SMYD3: variants seen among roughly 807,000 people sequenced by gnomAD.
SMYD3 encodes histone-lysine N-methyltransferase SMYD3.
A neutral mutation model predicts 57.7 loss-of-function variants in SMYD3; 36 were observed. The observed-to-expected ratio is 0.62, with a 90% CI of 0.48 to 0.82. The LOEUF (loss-of-function observed/expected upper bound fraction) is 0.82, where lower values mean the gene tolerates loss of function less well. SMYD3 is among the 40% of genes least tolerant of loss of function. The probability of loss-of-function intolerance (pLI) is 0.00; values close to 1 mark genes in which losing one functional copy is unlikely to be tolerated. For missense variants in SMYD3, 515 were observed against 538.8 expected, an observed-to-expected ratio of 0.96 and a Z score of 0.44; for synonymous variants, 211 against 195.0, an observed-to-expected ratio of 1.08 and a Z score of -0.68.
intron 1 of SMYD3, among the ~76,000 whole-genome samples, chr1:246,364,922 T>A (rs975600249): frequency 2.0e-5 from 3 of 151,944 alleles, no homozygotes; most frequent in African/African-American, 7.3e-5. Flanking sequence ...CAAAAGGACA[T>A]GCAATGGTGG....
intron 1 of SMYD3, among the ~76,000 whole-genome samples, chr1:246,382,201 G>C (rs1160508819): frequency 2.6e-5 from 4 of 151,826 alleles, no homozygotes; most frequent in Non-Finnish European, 5.9e-5. Flanking sequence ...ATGGGATCCA[G>C]CCTCCAGGCC....
chr1:245,823,536 G>A (rs2049302076), intron 10 of SMYD3, among the ~76,000 whole-genome samples: 2 of 152,212 alleles, frequency 1.3e-5, no homozygotes, highest in South Asian at 2.1e-4. Flanking sequence ...TCCCATTCAT[G>A]TCAACAGTCT....
chr1:246,211,982 T>C (rs770267361), intron 5 of SMYD3, among the ~76,000 whole-genome samples: 5 of 151,766 alleles, frequency 3.3e-5, no homozygotes, highest in Non-Finnish European at 7.4e-5. Flanking sequence ...ACTCAAGTAT[T>C]TAGTAACAAC....
intron 5 of SMYD3, among the ~76,000 whole-genome samples, chr1:246,236,445 C>T (rs547526603): frequency 1.3e-5 from 2 of 152,150 alleles, no homozygotes; most frequent in South Asian, 4.2e-4. Context: ...GATGGAGTCT[C>T]ACTCTGTCGC....
intron 8 of SMYD3, among the ~76,000 whole-genome samples, chr1:245,877,625 A>C (rs2052557860): frequency 6.6e-6 from 1 of 152,240 alleles, no homozygotes; most frequent in African/African-American, 2.4e-5. Context: ...GAGTGTAACA[A>C]GATGATAACC....
chr1:246,494,103 C>T (rs909890205), intron 1 of SMYD3, among the ~76,000 whole-genome samples: 7 of 152,208 alleles, frequency 4.6e-5, no homozygotes, highest in African/African-American at 1.4e-4. Context: ...CACAAATCTT[C>T]CATGTGCACC....
intron 5 of SMYD3, among the ~76,000 whole-genome samples, chr1:246,233,557 T>C (rs1433779852): frequency 6.7e-5 from 9 of 134,360 alleles, no homozygotes; most frequent in African/African-American, 2.3e-4. Context: ...CACACAGTGA[T>C]GAACATATAC....
At chr1:246,192,247 T>G (rs2062750712) in intron 5 of SMYD3, among the ~76,000 whole-genome samples, 1 of 151,954 alleles carries the variant, frequency 6.6e-6, no homozygotes, top group Admixed American at 6.6e-5. Context: ...CACAGGCATG[T>G]GCCATCATGC....
chr1:245,972,476 A>T (rs1462784823), intron 5 of SMYD3, among the ~76,000 whole-genome samples: 2 of 152,164 alleles, frequency 1.3e-5, no homozygotes, highest in Non-Finnish European at 2.9e-5. Flanking sequence ...TAACCTCTCA[A>T]ATTTCTAATT....
At chr1:245,857,032 C>A (rs929388029) in intron 10 of SMYD3, among the ~76,000 whole-genome samples, 1 of 152,182 alleles carries the variant, frequency 6.6e-6, no homozygotes, top group African/African-American at 2.4e-5. Context: ...CGAGAACCCA[C>A]AAGATCGATC....
chr1:246,160,534 C>G (rs940877028), intron 5 of SMYD3, among the ~76,000 whole-genome samples: 1 of 152,156 alleles, frequency 6.6e-6, no homozygotes, highest in Admixed American at 6.5e-5. Context: ...AAGGTGGGCC[C>G]AGAGCCGAAG....
chr1:246,238,445 C>T (rs1181159888), intron 5 of SMYD3, among the ~76,000 whole-genome samples: 2 of 152,158 alleles, frequency 1.3e-5, no homozygotes, highest in Non-Finnish European at 2.9e-5. Flanking sequence ...AGATCCCAGT[C>T]CTCTGTGCTT....
In SMYD3 at chr1:245,752,957, C is replaced by T. The variant is rs114867057; in HGVS notation, c.1186-3293G>A. On this transcript the variant is annotated intron_variant, in intron 11 of 11. Coordinates refer to ENST00000490107, the MANE Select transcript of SMYD3 (RefSeq NM_001167740.2). The stretch of plus-strand genomic sequence containing the variant: ...CCATGACTGCATTGTGCAGCCTCCC[C>T]GTATGAACAGACTGCAGTGACCAAG... 8.6e-3 allele frequency among the ~76,000 whole-genome samples: 1,307 copies of T among 152,270 alleles called. 24 individuals are homozygous for T. The highest frequency in any genetic ancestry group is 0.029 in the African/African-American group (1,204 of 41,552).
In SMYD3 at chr1:246,041,045, T is replaced by C. The variant is rs118014204; in HGVS notation, c.532-111108A>G. On this transcript the variant is annotated intron_variant, in intron 5 of 11. Coordinates refer to ENST00000490107, the MANE Select transcript of SMYD3 (RefSeq NM_001167740.2). ...AGATTATAATACTGTATTTTTACTA[T>C]TCCTTTTCTATGTTTAGATACACAA... 3.2e-4 allele frequency among the ~76,000 whole-genome samples: 48 copies of C among 152,342 alleles called. No homozygotes were observed. The East Asian group carries it at 8.9e-3, about 28-fold the overall frequency.
intron 10 of SMYD3, among the ~76,000 whole-genome samples, chr1:245,823,235 A>C (rs967289682): frequency 6.6e-6 from 1 of 152,188 alleles, no homozygotes; most frequent in Non-Finnish European, 1.5e-5. Flanking sequence ...ATTGTTCAGG[A>C]CGATTGCAAA....
intron 5 of SMYD3, among the ~76,000 whole-genome samples, chr1:246,159,331 C>T (rs2062076505): frequency 6.6e-6 from 1 of 152,124 alleles, no homozygotes; most frequent in South Asian, 2.1e-4. Flanking sequence ...CCGGGGGCTG[C>T]TCTACTACTG....
intron 1 of SMYD3, among the ~76,000 whole-genome samples, chr1:246,475,319 G>C (rs116360174): frequency 0.08 from 11,441 of 142,156 alleles, 1,461 homozygotes; most frequent in African/African-American, 0.27. Context: ...CACAGCGAGA[G>C]ACTGTCTCAG....
chr1:245,788,418 T>C (rs998903597), intron 10 of SMYD3, among the ~76,000 whole-genome samples: 1 of 152,232 alleles, frequency 6.6e-6, no homozygotes, highest in African/African-American at 2.4e-5. Flanking sequence ...TTCACATGAC[T>C]CGGGAGGCCA....
At chr1:246,269,424 C>A (rs999034870) in intron 5 of SMYD3, among the ~76,000 whole-genome samples, 1 of 152,090 alleles carries the variant, frequency 6.6e-6, no homozygotes, top group Admixed American at 6.5e-5. Flanking sequence ...GGTGATAGAA[C>A]CACGATTAGA....
Sources: allele counts gnomAD v4.1 joint callset (sites outside exome capture counted in the v4.1 genomes callset), GRCh38; gene constraint gnomAD v4.1.1; transcripts MANE v1.5; gene names NCBI Gene and HGNC (gene_info 2026-07-23, HGNC 2026-07-21).